CSMD1: variants seen among roughly 807,000 people sequenced by gnomAD.
CSMD1 encodes CUB and sushi domain-containing protein 1.
CSMD1 carries 213 observed loss-of-function variants against 417.5 expected under a neutral mutation model. The observed-to-expected ratio is 0.51, with a 90% CI of 0.46 to 0.57. CSMD1 has a LOEUF of 0.57. Among genes scored for constraint, CSMD1 ranks in the 20% least tolerant of loss-of-function variants. The pLI, the probability that CSMD1 is intolerant of heterozygous loss-of-function variation, is 0.00. For missense variants in CSMD1, 6,923 were observed against 4,529.7 expected, an observed-to-expected ratio of 1.53 and a Z score of -15.17; for synonymous variants, 2,862 against 1,736.8, an observed-to-expected ratio of 1.65 and a Z score of -16.11.
intron 6 of CSMD1, among the ~76,000 whole-genome samples, chr8:3,752,924 C>T (rs909165799): frequency 4.6e-5 from 7 of 152,108 alleles, no homozygotes; most frequent in Non-Finnish European, 1.0e-4. Flanking sequence ...TGTAAGATAA[C>T]AGATATTTAG....
chr8:4,987,950 C>T (rs866861444), intron 1 of CSMD1, among the ~76,000 whole-genome samples: 4 of 152,192 alleles, frequency 2.6e-5, no homozygotes, highest in South Asian at 4.1e-4. Flanking sequence ...CTGAAGACTG[C>T]ACTGTTGACT....
At chr8:3,755,973 T>G (rs1017631908) in intron 5 of CSMD1, among the ~76,000 whole-genome samples, 1 of 152,104 alleles carries the variant, frequency 6.6e-6, no homozygotes, top group Non-Finnish European at 1.5e-5. Context: ...CATACTTATT[T>G]GCCTAATACG....
At chr8:3,486,646 C>A (rs1327002627) in intron 11 of CSMD1, among the ~76,000 whole-genome samples, 1 of 152,230 alleles carries the variant, frequency 6.6e-6, no homozygotes, top group Non-Finnish European at 1.5e-5. Context: ...TGAAATGGAG[C>A]ACCACCTTAT....
At chr8:3,783,030 T>A (rs1799263656) in intron 5 of CSMD1, among the ~76,000 whole-genome samples, 1 of 152,158 alleles carries the variant, frequency 6.6e-6, no homozygotes, top group Non-Finnish European at 1.5e-5. Context: ...AAGCACGCGT[T>A]CATCTTCTGT....
At chr8:3,449,519 A>G (rs1200689986) in intron 12 of CSMD1, among the ~76,000 whole-genome samples, 1 of 148,512 alleles carries the variant, frequency 6.7e-6, no homozygotes, top group South Asian at 2.2e-4. Flanking sequence ...TCATGACAGC[A>G]ATTTTTTTTT....
chr8:4,270,430 A>C (rs1397090531), intron 3 of CSMD1, among the ~76,000 whole-genome samples: 1 of 151,932 alleles, frequency 6.6e-6, no homozygotes, highest in Non-Finnish European at 1.5e-5. Flanking sequence ...CTACTTTCTG[A>C]AACCATCTAT....
intron 2 of CSMD1, among the ~76,000 whole-genome samples, chr8:4,424,854 A>C (rs1488490811): frequency 6.6e-6 from 1 of 152,116 alleles, no homozygotes; most frequent in African/African-American, 2.4e-5. Flanking sequence ...CAGTACACAG[A>C]AACTCTTTGT....
chr8:3,388,809 G>C (rs973489395), intron 17 of CSMD1, among the ~76,000 whole-genome samples: 2 of 152,062 alleles, frequency 1.3e-5, no homozygotes, highest in Non-Finnish European at 2.9e-5. Flanking sequence ...ATCTGCCAGA[G>C]GCAACGTGGA....
intron 54 of CSMD1, among the ~76,000 whole-genome samples, chr8:2,982,440 A>G (rs763147723): frequency 2.6e-5 from 4 of 152,234 alleles, no homozygotes; most frequent in African/African-American, 7.2e-5. Flanking sequence ...CTTGAGGATC[A>G]TGGAGGTCCT....
chr8:3,998,457 A>T (rs1815397498), intron 4 of CSMD1, among the ~76,000 whole-genome samples: 1 of 152,216 alleles, frequency 6.6e-6, no homozygotes, highest in Admixed American at 6.5e-5. Flanking sequence ...ACACTATGTA[A>T]GCAACATTTT....
intron 10 of CSMD1, among the ~76,000 whole-genome samples, chr8:3,561,013 C>T (rs10441640): frequency 0.39 from 59,576 of 151,946 alleles, 12,769 homozygotes; most frequent in Non-Finnish European, 0.48. Context: ...AGCAATAAAA[C>T]GGCAGGCAGT....
At chr8:3,092,403 G>A (rs1476841364) in intron 47 of CSMD1, among the ~76,000 whole-genome samples, 6 of 151,998 alleles carry the variant, frequency 3.9e-5, no homozygotes, top group Non-Finnish European at 7.4e-5. Flanking sequence ...ATCTGTGGAC[G>A]ATAGATACAC....
chr8:3,456,961 A>G (rs1376868562), intron 12 of CSMD1, among the ~76,000 whole-genome samples: 1 of 151,446 alleles, frequency 6.6e-6, no homozygotes, highest in Non-Finnish European at 1.5e-5. Context: ...ACACACCCTC[A>G]TCCTGCACTT....
intron 3 of CSMD1, among the ~76,000 whole-genome samples, chr8:4,202,171 G>C (rs1047537801): frequency 1.9e-4 from 29 of 152,012 alleles, no homozygotes; most frequent in African/African-American, 6.5e-4. Context: ...ATGACCAGCT[G>C]TGTTAGTATT....
intron 4 of CSMD1, among the ~76,000 whole-genome samples, chr8:4,011,174 C>A (rs112193250): frequency 3.3e-5 from 5 of 152,158 alleles, no homozygotes; most frequent in African/African-American, 9.7e-5. Context: ...ATCTTTCCTG[C>A]AAATATTTCT....
intron 5 of CSMD1, among the ~76,000 whole-genome samples, chr8:3,929,834 G>C (rs1339331921): frequency 2.7e-5 from 4 of 149,362 alleles, no homozygotes; most frequent in Non-Finnish European, 4.5e-5. Flanking sequence ...GCTAATTTTT[G>C]TGTTTTTAGT....
chr8:4,102,003 T>G (rs1480244431), intron 3 of CSMD1, among the ~76,000 whole-genome samples: 1 of 152,164 alleles, frequency 6.6e-6, no homozygotes, highest in African/African-American at 2.4e-5. Flanking sequence ...GACCCGGCAA[T>G]AGCTGAGGGA....
intron 1 of CSMD1, among the ~76,000 whole-genome samples, chr8:4,775,006 A>C (rs1210520218): frequency 6.6e-6 from 1 of 152,136 alleles, no homozygotes; most frequent in Admixed American, 6.6e-5. Context: ...TATTTCTTTA[A>C]AGCAGTGTGA....
rs1188535204 is a variant in CSMD1 at position 4,088,624 on chromosome 8, C to T, written c.416-56525G>A. 2.0e-5 allele frequency among the ~76,000 whole-genome samples: 3 copies of T among 152,136 alleles called. No individual in the cohort carries two copies. The East Asian group carries it at 5.8e-4, about 29-fold the overall frequency. On this transcript the variant is annotated intron_variant, in intron 3 of 69. Coordinates refer to ENST00000635120, the MANE Select transcript of CSMD1 (RefSeq NM_033225.6). Reference sequence around the variant, plus strand: ...CTCTCTCTCTCCCCTTCCCACCCAACCAGGTTGAGAGTAAAGCCCAAAGTC... The same window carrying T: ...CTCTCTCTCTCCCCTTCCCACCCAATCAGGTTGAGAGTAAAGCCCAAAGTC...
Sources: allele counts gnomAD v4.1 joint callset (sites outside exome capture counted in the v4.1 genomes callset), GRCh38; gene constraint gnomAD v4.1.1; transcripts MANE v1.5; gene names NCBI Gene and HGNC (gene_info 2026-07-23, HGNC 2026-07-21).